CLU: variants seen among roughly 807,000 people sequenced by gnomAD.
CLU encodes the protein clusterin.
In CLU, 25 loss-of-function variants were observed where a neutral mutation model predicts 46.4. The ratio of observed to expected loss-of-function variants is 0.54; its 90% CI spans 0.39 to 0.75. The LOEUF is 0.75. CLU is among the 30% of genes least tolerant of loss of function. The probability of loss-of-function intolerance (pLI) is 0.00; values close to 1 mark genes in which losing one functional copy is unlikely to be tolerated. For synonymous variants in CLU, 235 were observed against 235.1 expected, an observed-to-expected ratio of 1.00 and a Z score of 0.00; for missense variants, 504 against 592.1, an observed-to-expected ratio of 0.85 and a Z score of 1.54.
intron 2 of CLU, among the ~76,000 whole-genome samples, chr8:27,610,203 T>C (rs1585256437): frequency 2.0e-5 from 3 of 152,066 alleles, no homozygotes; most frequent in Admixed American, 2.0e-4. Context: ...CTAAGGGGCC[T>C]GGGAGGGGAA....
intron 1 of CLU, chr8:27,611,266 A>T (rs1041670681): frequency 6.4e-5 from 29 of 454,340 alleles, no homozygotes; most frequent in Non-Finnish European, 1.1e-4. Context: ...GAAGTAGTGG[A>T]AGCCAGGAAG....
chr8:27,610,000 A>G (rs1361831606), intron 2 of CLU, among the ~76,000 whole-genome samples: 1 of 152,162 alleles, frequency 6.6e-6, no homozygotes, highest in Admixed American at 6.5e-5. Flanking sequence ...TGAGATCAAG[A>G]TAGTGGCCCA....
At chr8:27,598,395 T>G (rs1018446411) in intron 8 of CLU, 65 bp downstream of exon 8, 79 of 1,607,886 alleles carry the variant, frequency 4.9e-5, no homozygotes, top group Non-Finnish European at 1.1e-5. Flanking sequence ...ACTTTGTTTG[T>G]TTTTTTGTGG....
At chr8:27,611,302 G>T (rs1412057049) in intron 1 of CLU, 1 of 454,994 alleles carries the variant, frequency 2.2e-6, no homozygotes, top group Admixed American at 2.3e-5. Context: ...AGAGTAGAGA[G>T]GGTTCGCAGT....
chr8:27,604,242 G>A, intron 6 of CLU, 49 bp downstream of exon 6: 1 of 1,460,588 alleles, frequency 6.8e-7, no homozygotes, highest in Non-Finnish European at 9.6e-7. Context: ...AGTGACCCCA[G>A]GACACAAGGG....
Position 27,597,882 on chromosome 8 carries a change from G to A in CLU, c.*359C>T, listed in dbSNP as rs1800633851. ...GTATGACAGTCCCTATACCATCTTA[G>A]CCACTGCTTTTTTGTTTCTACTTAT... On this transcript the variant is annotated 3_prime_UTR_variant, in exon 9 of 9. Coordinates refer to ENST00000316403, the MANE Select transcript of CLU (RefSeq NM_001831.4). The A allele has an allele frequency of 1.9e-6, 1 of 516,976 alleles. No homozygotes were observed. Among genetic ancestry groups the A allele is most frequent in the South Asian group, 1.5e-5 (1 of 64,984 alleles). The allele number at this position is 516,976 out of a possible 1,614,324, so 32.0% of individuals were successfully genotyped here. A position where few individuals can be genotyped will look rare whatever the true frequency, so the allele number is the denominator to read the frequency against.
intron 1 of CLU, chr8:27,611,609 C>T (rs1235380939): frequency 2.2e-6 from 1 of 457,852 alleles, no homozygotes; most frequent in Admixed American, 2.3e-5. Flanking sequence ...ACCCATTTGC[C>T]ATCACAGAAC....
At chr8:27,601,419 C>T (rs1800719535) in intron 6 of CLU, among the ~76,000 whole-genome samples, 1 of 152,218 alleles carries the variant, frequency 6.6e-6, no homozygotes, top group East Asian at 1.9e-4. Flanking sequence ...AGCTGATGCA[C>T]TGGCACCTGG....
At chr8:27,611,253 G>C (rs555783330) in intron 1 of CLU, 67 of 454,230 alleles carry the variant, frequency 1.5e-4, no homozygotes, top group Non-Finnish European at 2.7e-4. Context: ...GCATTCAGGG[G>C]TGGAAGTAGT....
rs930701513 is a variant in CLU at position 27,602,056 on chromosome 8, G to A, written c.935-2047C>T. Among the ~76,000 whole-genome samples the A allele has an allele frequency of 3.3e-5, 5 of 152,248 alleles. No individual in the cohort carries two copies. In the East Asian group the frequency reaches 5.8e-4, roughly 18 times the overall value. Reference sequence around the variant, plus strand: ...CAGTGAGCAAAGATTGCGCCACTACGCTCCAGCCTGGGTGATAGAGCGAGA... The same window carrying A: ...CAGTGAGCAAAGATTGCGCCACTACACTCCAGCCTGGGTGATAGAGCGAGA... On this transcript the variant is annotated intron_variant, in intron 6 of 8. Coordinates refer to ENST00000316403, the MANE Select transcript of CLU (RefSeq NM_001831.4).
At chr8:27,608,376 T>C (rs1800859561) in intron 3 of CLU, among the ~76,000 whole-genome samples, 1 of 152,210 alleles carries the variant, frequency 6.6e-6, no homozygotes, top group Admixed American at 6.5e-5. Flanking sequence ...GAGAGGAGGT[T>C]TGTAGGATAC....
Position 27,610,701 on chromosome 8 carries a change from G to T in CLU, c.-29-101C>A, listed in dbSNP as rs763696185. The stretch of plus-strand genomic sequence containing the variant: ...GCTCCCCAGGGCCTCACTGCCCTCA[G>T]CTGTCCCCACAGCAGGCACTGCTGC... On this transcript the variant is annotated intron_variant, in intron 1 of 8. Coordinates refer to ENST00000316403, the MANE Select transcript of CLU (RefSeq NM_001831.4). 4.7e-6 allele frequency: 4 copies of T among 857,426 alleles called. No homozygotes were observed. The Admixed American group carries it at 5.3e-5, about 11-fold the overall frequency. 53.1% of individuals were successfully genotyped at this position (857,426 alleles called of 1,614,324 possible). A position where few individuals can be genotyped will look rare whatever the true frequency, so the allele number is the denominator to read the frequency against.
At chr8:27,598,916 GAA>G (rs61366982) in intron 7 of CLU, 123,265 of 460,454 alleles carry the variant, frequency 0.27, 20,171 homozygotes, top group African/African-American at 0.56. Context: ...ATTTGCTTTA[GAA>G]GCAGCCCTTG....
At chr8:27,604,111 G>C in intron 6 of CLU, 180 bp downstream of exon 6, 2 of 630,622 alleles carry the variant, frequency 3.2e-6, no homozygotes, top group South Asian at 3.5e-5. Flanking sequence ...CTCATTCTAA[G>C]ATGAGGAACC....
At chr8:27,604,427 A>C (rs1800778678) in intron 5 of CLU, 32 bp from the exon 6 acceptor site, 1 of 1,553,068 alleles carries the variant, frequency 6.4e-7, no homozygotes. Flanking sequence ...AGAGTCAGTC[A>C]TCCAGCCATG....
intron 6 of CLU, among the ~76,000 whole-genome samples, chr8:27,601,039 A>G (rs936578137): frequency 1.4e-4 from 21 of 152,098 alleles, no homozygotes; most frequent in African/African-American, 5.1e-4. Flanking sequence ...GTGGTTCTGG[A>G]CAATCCTCCA....
intron 2 of CLU, among the ~76,000 whole-genome samples, chr8:27,610,052 T>C (rs1220675497): frequency 2.0e-5 from 3 of 152,024 alleles, no homozygotes; most frequent in Non-Finnish European, 4.4e-5. Context: ...CTCACACCCA[T>C]GTCTGATCTG....
rs777749323 is a variant in CLU, at chr8:27,604,336, G to A, written c.889C>T (p.Arg297Trp). 3.0e-5 allele frequency: 48 copies of A among 1,614,026 alleles called. No homozygotes were observed. In the Middle Eastern group the frequency reaches 1.8e-3, roughly 61 times the overall value. Residue 297 changes from arginine (R) to tryptophan (W), a missense_variant, in exon 6 of 9, where the codon CGG becomes TGG. This residue lies in a region of CLU where 428 missense variants were observed against 484.0 expected (regional missense o/e 0.88). Coordinates refer to ENST00000316403, the MANE Select transcript of CLU (RefSeq NM_001831.4). ...CACTTGTCACACTGGTCCTTCATCCGCAGGCAGCCCGTGGAGTTGTGGCGG... is the reference window on the plus strand; with the variant it reads ...CACTTGTCACACTGGTCCTTCATCCACAGGCAGCCCGTGGAGTTGTGGCGG... ...EIRHNSTGCL[R>W]MKDQCDKCRE...
At chr8:27,610,376 C>CA in intron 2 of CLU, 99 bp downstream of exon 2, 1 of 992,210 alleles carries the variant, frequency 1.0e-6, no homozygotes, top group Non-Finnish European at 1.6e-6. Flanking sequence ...CGGTCTGTAA[C>CA]ACTGGGGCCT....
Sources: gnomAD v4.1 joint callset for allele counts (sites outside exome capture counted in the v4.1 genomes callset) on GRCh38, gnomAD v4.1.1 for gene constraint, gnomAD v4.1.1 regional missense constraint, MANE v1.5 for transcripts, NCBI Gene and HGNC (gene_info 2026-07-23, HGNC 2026-07-21) for gene names.